Variants in RGPD2 observed in about 807,000 individuals in gnomAD.
The protein encoded by RGPD2 is RANBP2 like and GRIP domain containing 2.
A neutral mutation model predicts 36.0 loss-of-function variants in RGPD2; 2 were observed. The observed-to-expected ratio is 0.06, with a 90% CI of 0.02 to 0.17. The LOEUF (loss-of-function observed/expected upper bound fraction) is 0.17, where lower values mean the gene tolerates loss of function less well. Among genes scored for constraint, RGPD2 ranks in the 10% least tolerant of loss-of-function variants. RGPD2 has a pLI of 1.00. For missense variants in RGPD2, 40 were observed against 464.3 expected, an observed-to-expected ratio of 0.09 and a Z score of 8.40; for synonymous variants, 19 against 163.8, an observed-to-expected ratio of 0.12 and a Z score of 6.75.
chr2:87,822,012 T>A (rs1046727959), intron 1 of RGPD2, among the ~76,000 whole-genome samples: 1 of 151,694 alleles, frequency 6.6e-6, no homozygotes, highest in Admixed American at 6.6e-5. Flanking sequence ...CTGTCGCCCA[T>A]CTTGCACAGT....
the RGPD2 span, among the ~76,000 whole-genome samples, chr2:87,934,278 TAAAG>T: frequency 4.1e-3 from 579 of 142,910 alleles, 6 homozygotes; most frequent in African/African-American, 0.014. Flanking sequence ...AAAATTGTAA[TAAAG>T]AAAGTAAAAG....
chr2:87,910,615 C>T, the RGPD2 span, among the ~76,000 whole-genome samples: 44 of 152,254 alleles, frequency 2.9e-4, no homozygotes, highest in African/African-American at 9.9e-4. Flanking sequence ...CCACTGATTT[C>T]GCATCTTTGG....
At chr2:87,966,181 T>A in the RGPD2 span, among the ~76,000 whole-genome samples, 766 of 151,936 alleles carry the variant, frequency 5.0e-3, no homozygotes, top group African/African-American at 0.018. Context: ...TTCTGGTTAT[T>A]CTTGTCTCAC....
At chr2:87,961,844 C>CA in the RGPD2 span, among the ~76,000 whole-genome samples, 1 of 151,236 alleles carries the variant, frequency 6.6e-6, no homozygotes, top group African/African-American at 2.4e-5. Flanking sequence ...GCAGTTCAAA[C>CA]CCATGTTATT....
chr2:87,857,281 T>C, the RGPD2 span, among the ~76,000 whole-genome samples: 1 of 152,352 alleles, frequency 6.6e-6, no homozygotes, highest in Non-Finnish European at 1.5e-5. Context: ...TATGGCTTAC[T>C]AAATAAGTAA....
chr2:87,911,133 T>C, the RGPD2 span, among the ~76,000 whole-genome samples: 1 of 121,126 alleles, frequency 8.3e-6, no homozygotes, highest in African/African-American at 3.0e-5. Flanking sequence ...CAGGGAATGC[T>C]GAAATTATTT....
chr2:87,956,539 G>C, the RGPD2 span, among the ~76,000 whole-genome samples: 2 of 55,664 alleles, frequency 3.6e-5, no homozygotes, highest in East Asian at 9.3e-4. Flanking sequence ...AGAACAGTGA[G>C]AGTCTGTGGT....
the RGPD2 span, among the ~76,000 whole-genome samples, chr2:87,888,534 TGAA>T: frequency 0.098 from 9,296 of 94,544 alleles, 745 homozygotes; most frequent in East Asian, 0.42. Context: ...TTAAAAGAAA[TGAA>T]GAACAAATCG....
chr2:87,937,620 G>C, the RGPD2 span, among the ~76,000 whole-genome samples: 6 of 151,958 alleles, frequency 3.9e-5, no homozygotes, highest in Admixed American at 3.3e-4. Flanking sequence ...TCAGGAGGGC[G>C]CCAAGCCATT....
chr2:87,846,336 G>T, the RGPD2 span, among the ~76,000 whole-genome samples: 3 of 151,912 alleles, frequency 2.0e-5, no homozygotes, highest in African/African-American at 7.2e-5. Context: ...TTCAATGCTT[G>T]CATACCATTG....
At chr2:87,943,726 G>A in the RGPD2 span, among the ~76,000 whole-genome samples, 704 of 151,556 alleles carry the variant, frequency 4.6e-3, 6 homozygotes, top group African/African-American at 0.016. Context: ...CAATAATGTC[G>A]TGGAGCTTTC....
the RGPD2 span, among the ~76,000 whole-genome samples, chr2:87,937,870 A>G: frequency 4.3e-4 from 66 of 152,034 alleles, no homozygotes; most frequent in African/African-American, 1.5e-3. Flanking sequence ...ATTACATTGG[A>G]CATTACTGTG....
At chr2:87,842,804 C>A in the RGPD2 span, among the ~76,000 whole-genome samples, 1 of 151,624 alleles carries the variant, frequency 6.6e-6, no homozygotes, top group Non-Finnish European at 1.5e-5. Context: ...TACCTGACTT[C>A]AAACTATACT....
chr2:87,936,304 T>C, the RGPD2 span, among the ~76,000 whole-genome samples: 1 of 151,640 alleles, frequency 6.6e-6, no homozygotes, highest in African/African-American at 2.4e-5. Flanking sequence ...GCACAGAACA[T>C]AGTTCTGAAT....
chr2:87,825,461 A>AGGCCGCCGTCGCCGCCGCCGCCGCCC (rs1686702638), intron 1 of RGPD2, among the ~76,000 whole-genome samples, 197 bp downstream of exon 1: 1 of 89,574 alleles, frequency 1.1e-5, no homozygotes, highest in Non-Finnish European at 2.2e-5. Context: ...GCCGAGGCCG[A>AGGCCGCCGTCGCCGCCGCCGCCGCCC]GGCCGAGGCC....
chr2:87,978,190 A>G, the RGPD2 span, among the ~76,000 whole-genome samples: 21 of 151,864 alleles, frequency 1.4e-4, no homozygotes, highest in Non-Finnish European at 2.4e-4. Flanking sequence ...CATCAAAGAC[A>G]CTGTTAAAGC....
the RGPD2 span, among the ~76,000 whole-genome samples, chr2:87,938,150 A>G: frequency 6.6e-6 from 1 of 151,668 alleles, no homozygotes; most frequent in African/African-American, 2.4e-5. Flanking sequence ...TAAATATTTG[A>G]GTGCATTAAA....
chr2:87,844,526 CTTG>C, the RGPD2 span, among the ~76,000 whole-genome samples: 3 of 147,076 alleles, frequency 2.0e-5, no homozygotes, highest in Middle Eastern at 3.4e-3. Context: ...TGAAGGTTTT[CTTG>C]TTTTTACTTT....
chr2:87,882,073 A>G, the RGPD2 span, among the ~76,000 whole-genome samples: 1 of 152,268 alleles, frequency 6.6e-6, no homozygotes, highest in Non-Finnish European at 1.5e-5. Flanking sequence ...GCACCAAGCC[A>G]TGAGGGATCT....
Sources: allele counts gnomAD v4.1 joint callset (sites outside exome capture counted in the v4.1 genomes callset), GRCh38; gene constraint gnomAD v4.1.1; transcripts MANE v1.5; gene names NCBI Gene and HGNC (gene_info 2026-07-23, HGNC 2026-07-21).